The following SEC61A1 variants were observed in gnomAD, a reference collection of about 807,000 sequenced individuals.
SEC61A1 encodes the protein protein transport protein Sec61 subunit alpha isoform 1.
A neutral mutation model predicts 55.2 loss-of-function variants in SEC61A1; 15 were observed. The ratio of observed to expected loss-of-function variants is 0.27; its 90% confidence interval spans 0.18 to 0.42. SEC61A1 has a LOEUF of 0.42. Ranked by LOEUF, SEC61A1 falls within the 10% of genes least tolerant of loss-of-function variation. SEC61A1 has a pLI of 1.00. For missense variants in SEC61A1, 284 were observed against 602.6 expected (o/e 0.47, Z 5.53); for synonymous variants, 247 against 234.0 (o/e 1.06, Z -0.51).
At chr3:128,059,350 G>A (rs565651557) in intron 5 of SEC61A1, among the ~76,000 whole-genome samples, 1 of 152,178 alleles carries the variant, frequency 6.6e-6, no homozygotes, top group South Asian at 2.1e-4. Flanking sequence ...GCACGTGCCT[G>A]TAATCCTAGC....
At chr3:128,065,585 A>T (rs1941945212) in intron 8 of SEC61A1, among the ~76,000 whole-genome samples, 2 of 152,202 alleles carry the variant, frequency 1.3e-5, no homozygotes, top group Non-Finnish European at 2.9e-5. Context: ...AGGGACAGAG[A>T]TGAAAGGCAG....
At chr3:128,052,315 CGGCGCGGCGCGGCG>C, upstream of SEC61A1, 2 of 363,180 alleles carry the variant, frequency 5.5e-6, no homozygotes, top group South Asian at 1.2e-4. Flanking sequence ...CTCGGCGAAG[CGGCGCGGCGCGGCG>C]AAGCGCGGCG....
upstream of SEC61A1, chr3:128,052,397 C>T: frequency 8.2e-7 from 1 of 1,213,886 alleles, no homozygotes; most frequent in Non-Finnish European, 1.0e-6. Flanking sequence ...CCCGGCCCCG[C>T]CCCGCGCCGC....
chr3:128,064,156 A>T (rs1318732739), intron 7 of SEC61A1, among the ~76,000 whole-genome samples: 1 of 152,200 alleles, frequency 6.6e-6, no homozygotes, highest in Non-Finnish European at 1.5e-5. Flanking sequence ...ATAGCTGTTG[A>T]ATGGGTACTT....
chr3:128,061,153 G>A lies in SEC61A1; in HGVS notation c.616+492G>A, dbSNP rs192697100. Among the ~76,000 whole-genome samples the A allele has an allele frequency of 3.0e-3, 453 of 152,312 alleles. 5 individuals carry two copies. The highest frequency in any genetic ancestry group is 2.0e-3 in the Non-Finnish European group (134 of 68,030). ...CCTGAACTTGGAGCTTAGCACCTGC[G>A]TTCAAATCCTGGCTGTTCCTGTTAG... On this transcript the variant is annotated intron_variant, in intron 7 of 11. Coordinates refer to ENST00000243253, the MANE Select transcript of SEC61A1 (RefSeq NM_013336.4).
chr3:128,065,346 T>C (rs1161214853), intron 8 of SEC61A1: 7 of 585,636 alleles, frequency 1.2e-5, no homozygotes, highest in Non-Finnish European at 1.8e-5. Flanking sequence ...AAAAGTACTC[T>C]AGCTCTGAAA....
chr3:128,052,433 C>T (rs1941699041), upstream of SEC61A1: 2 of 1,404,340 alleles, frequency 1.4e-6, no homozygotes, highest in Non-Finnish European at 1.9e-6. Context: ...GCCGGGCTAG[C>T]ACTGACGTGT....
intron 1 of SEC61A1, 125 bp downstream of exon 1, chr3:128,052,684 C>G: frequency 6.6e-7 from 1 of 1,523,118 alleles, no homozygotes; most frequent in Non-Finnish European, 8.9e-7. Flanking sequence ...CCCGTGCCCC[C>G]GGCCCTTCTC....
chr3:128,054,351 T>G (rs1200158862), intron 2 of SEC61A1, among the ~76,000 whole-genome samples: 1 of 152,254 alleles, frequency 6.6e-6, no homozygotes, highest in African/African-American at 2.4e-5. Context: ...AAGATTCATT[T>G]CAGACAGGTT....
At chr3:128,052,423 G>C (rs1941698788), upstream of SEC61A1, 8 of 1,251,120 alleles carry the variant, frequency 6.4e-6, no homozygotes, top group South Asian at 2.5e-4. Context: ...GCCGCTTGCC[G>C]CCGGGCTAGC....
Position 128,067,339 on chromosome 3 carries a change from TC to T in SEC61A1, c.976-81del. 3.5e-6 allele frequency: 5 copies of T among 1,448,266 alleles called. No homozygotes were observed. Among genetic ancestry groups the T allele is most frequent in the Non-Finnish European group, 2.8e-6 (3 of 1,063,278 alleles). 89.7% of individuals were successfully genotyped at this position (1,448,266 alleles called of 1,614,324 possible). ...GGGCACCGAGTAAAATTGCATTCTT[TC>T]ATCTGCTCAGAACTATTTTTGCCTT... On this transcript the variant is annotated intron_variant, in intron 9 of 11. Transcript: ENST00000243253. This position sits in a 1 kb window ranked among gnomAD's most constrained non-coding sequence, Gnocchi z 4.1.
rs1053598402 is a variant in SEC61A1 at position 128,071,057 on chromosome 3, G to A, written c.*1395G>A. 2 of 152,340 alleles carry A rather than the reference G, an allele frequency of 1.3e-5. No homozygotes were observed. The highest frequency in any genetic ancestry group is 2.9e-5 in the Non-Finnish European group (2 of 68,124). The allele number at this position is 152,340 out of a possible 1,614,324, so 9.4% of individuals were successfully genotyped here. ...CAGCCTGTCGGGGAGACCCCACTCT[G>A]ACAGTGGGCACACGGCAGCCTGCAA... is the stretch of plus-strand genomic sequence containing the variant. On this transcript the variant is annotated 3_prime_UTR_variant, in exon 12 of 12. Transcript: ENST00000243253.
At position 128,069,569 on chromosome 3, in the gene SEC61A1, G is replaced by C; in HGVS notation, c.1338G>C (p.Gly446=). 6.2e-7 allele frequency: 1 copy of C among 1,614,110 alleles called. No homozygotes were observed. The highest frequency in any genetic ancestry group is 1.7e-5 in the Admixed American group (1 of 60,010). ...TAGGCGCCATTGGGTCTGGAACCGG[G>C]ATCCTGCTCGCAGTCACAATCATCT... The part of the protein sequence containing the change: ...DFLGAIGSGT[G]ILLAVTIIYQ... The change falls in exon 12 of 12, where the codon GGG becomes GGC. Residue 446 remains glycine (G), a synonymous_variant. Coordinates refer to ENST00000243253, the MANE Select transcript of SEC61A1 (RefSeq NM_013336.4).
intron 7 of SEC61A1, among the ~76,000 whole-genome samples, chr3:128,063,091 C>T (rs545485620): frequency 6.6e-6 from 1 of 152,214 alleles, no homozygotes; most frequent in Non-Finnish European, 1.5e-5. Context: ...TTTGGTTACT[C>T]TTCCCATTCC....
intron 7 of SEC61A1, among the ~76,000 whole-genome samples, chr3:128,061,109 G>A (rs1012846648): frequency 1.1e-4 from 17 of 152,150 alleles, no homozygotes; most frequent in African/African-American, 2.4e-5. Context: ...TCATGCAAGG[G>A]GCAGCTTTCT....
At chr3:128,064,795 TTTTA>T (rs372079793) in intron 7 of SEC61A1, 78 bp from the exon 8 acceptor site, 22 of 1,309,936 alleles carry the variant, frequency 1.7e-5, no homozygotes, top group Admixed American at 6.9e-5. Context: ...GTTTTCCTCT[TTTTA>T]TTTGTCTGCT....
intron 1 of SEC61A1, 67 bp downstream of exon 1, chr3:128,052,626 G>A: frequency 6.4e-7 from 1 of 1,556,846 alleles, no homozygotes; most frequent in Non-Finnish European, 8.7e-7. Context: ...ACACCCGTGC[G>A]GTCGGGCGCC....
chr3:128,057,239 T>G (rs184129328), intron 5 of SEC61A1, among the ~76,000 whole-genome samples: 33 of 152,322 alleles, frequency 2.2e-4, no homozygotes, highest in African/African-American at 7.0e-4. Flanking sequence ...GCCCAAACAG[T>G]ATTTTCTTTT....
chr3:128,064,610 T>C (rs1384501209), intron 7 of SEC61A1, among the ~76,000 whole-genome samples: 4 of 152,156 alleles, frequency 2.6e-5, no homozygotes, highest in African/African-American at 7.2e-5. Flanking sequence ...ACCACACCAC[T>C]GCACTCTAGC....
Sources: gnomAD v4.1 joint callset for allele counts (sites outside exome capture counted in the v4.1 genomes callset) on GRCh38, gnomAD v4.1.1 for gene constraint, Gnocchi (gnomAD v3.1) non-coding constraint, MANE v1.5 for transcripts, NCBI Gene and HGNC (gene_info 2026-07-23, HGNC 2026-07-21) for gene names.